The following VPS39 variants were observed in gnomAD, a reference collection of about 807,000 sequenced individuals.
The protein encoded by VPS39 is vam6/Vps39-like protein.
Under a neutral mutation model 121.0 loss-of-function variants are expected in VPS39, and 70 were observed. That is an observed-to-expected ratio of 0.58 (90% CI 0.48 to 0.71). The LOEUF (loss-of-function observed/expected upper bound fraction) is 0.71. VPS39 is among the 30% of genes least tolerant of loss of function. The pLI is 0.00. For synonymous variants in VPS39, 378 were observed against 398.1 expected, an observed-to-expected ratio of 0.95 and a Z score of 0.60; for missense variants, 818 against 1,051.5, an observed-to-expected ratio of 0.78 and a Z score of 3.07.
intron 10 of VPS39, 136 bp downstream of exon 10, chr15:42,178,082 A>T (rs530644995): frequency 8.7e-7 from 1 of 1,149,626 alleles, no homozygotes; most frequent in Non-Finnish European, 1.2e-6. Context: ...CGGTGGAGTC[A>T]GACCTAGTAT....
At chr15:42,161,509 T>C (rs2049124992) in intron 24 of VPS39, 173 bp downstream of exon 24, 1 of 767,356 alleles carries the variant, frequency 1.3e-6, no homozygotes, top group African/African-American at 1.7e-5. Flanking sequence ...CGAAGCCCAC[T>C]CCCAACAGAT....
At chr15:42,172,401 G>C (rs919612271) in intron 11 of VPS39, among the ~76,000 whole-genome samples, 5 of 152,206 alleles carry the variant, frequency 3.3e-5, no homozygotes, top group African/African-American at 9.6e-5. Flanking sequence ...AATGATGGTA[G>C]CCCAGGTGAC....
At position 42,181,991 on chromosome 15, in the gene VPS39, G is replaced by C. The variant is rs2049591078; in HGVS notation, c.718+2526C>G. ...AGCCTCCCAATGTGCTGGGATTACAGGCATGAGTCGCTGCACTAGTTTAAT... is the reference window on the plus strand; with the variant it reads ...AGCCTCCCAATGTGCTGGGATTACACGCATGAGTCGCTGCACTAGTTTAAT... On this transcript the variant is annotated intron_variant, in intron 8 of 24. Transcript: ENST00000318006. Among the ~76,000 whole-genome samples, 4 of 152,170 alleles carry C rather than the reference G, an allele frequency of 2.6e-5. No individual in the cohort carries two copies. In the South Asian group the frequency reaches 8.3e-4, roughly 32 times the overall value.
chr15:42,161,139 C>A, intron 24 of VPS39: 1 of 376,718 alleles, frequency 2.7e-6, no homozygotes. Flanking sequence ...TCCTGAGAGC[C>A]AACAATGTTC....
chr15:42,165,953 T>A, intron 16 of VPS39, 137 bp from the exon 17 acceptor site: 2 of 935,860 alleles, frequency 2.1e-6, no homozygotes, highest in Non-Finnish European at 3.3e-6. Flanking sequence ...GCAGTCAGCA[T>A]GTCAGACGAG....
At chr15:42,163,078 G>T (rs562864014) in intron 21 of VPS39, among the ~76,000 whole-genome samples, 2 of 152,284 alleles carry the variant, frequency 1.3e-5, no homozygotes, top group East Asian at 3.9e-4. Flanking sequence ...GTTCCCGCTC[G>T]ACAGGCAGAC....
At chr15:42,187,049 T>C (rs1249821345) in intron 7 of VPS39, among the ~76,000 whole-genome samples, 1 of 152,202 alleles carries the variant, frequency 6.6e-6, no homozygotes, top group Non-Finnish European at 1.5e-5. Flanking sequence ...CTGTGGATCA[T>C]CATTACGTAA....
intron 11 of VPS39, among the ~76,000 whole-genome samples, chr15:42,172,277 C>T (rs1032361567): frequency 6.6e-6 from 1 of 152,206 alleles, no homozygotes; most frequent in African/African-American, 2.4e-5. Context: ...ACTCAAGCAG[C>T]TCTGAAGAGA....
intron 10 of VPS39, among the ~76,000 whole-genome samples, chr15:42,174,673 A>G (rs1420387286): frequency 6.6e-6 from 1 of 152,138 alleles, no homozygotes; most frequent in Admixed American, 6.5e-5. Flanking sequence ...ACCTAAACTG[A>G]GACATAACGG....
rs2049254100 is a variant in VPS39, at chr15:42,166,867, T to C, written c.1424A>G (p.His475Arg). 1 of 1,614,216 alleles carries C rather than the reference T, an allele frequency of 6.2e-7. No individual in the cohort carries two copies. Among genetic ancestry groups the C allele is most frequent in the Non-Finnish European group, 8.5e-7 (1 of 1,180,036 alleles). Residue 475 changes from histidine (H) to arginine (R), a missense_variant, in exon 14 of 25, where the codon CAC becomes CGC. Physicochemically the swap from His to Arg is conservative, Grantham distance 29 (BLOSUM62 0). Coordinates refer to ENST00000318006, the MANE Select transcript of VPS39 (RefSeq NM_015289.5). ...VAPLLRLENN[H>R]CHIEESEHVL... Reference sequence around the variant, plus strand: ...GTGCTCGCTCTCCTCGATGTGGCAGTGATTGTTCTCCAGGCGTAGCAAGGG... The same window carrying C: ...GTGCTCGCTCTCCTCGATGTGGCAGCGATTGTTCTCCAGGCGTAGCAAGGG...
intron 15 of VPS39, 61 bp downstream of exon 15, chr15:42,166,500 CAG>C: frequency 6.4e-7 from 1 of 1,573,268 alleles, no homozygotes; most frequent in Non-Finnish European, 8.7e-7. Flanking sequence ...GAAACAGAAA[CAG>C]AGGGAGACCA....
At chr15:42,186,804 C>T (rs916523582) in intron 7 of VPS39, among the ~76,000 whole-genome samples, 3 of 152,044 alleles carry the variant, frequency 2.0e-5, no homozygotes, top group Non-Finnish European at 2.9e-5. Flanking sequence ...GTAATAAACA[C>T]GTGTAAAAAC....
In VPS39 at chr15:42,166,882, C is replaced by T. The variant is rs1044502534; in HGVS notation, c.1409G>A (p.Arg470His). The T allele has an allele frequency of 2.5e-6, 4 of 1,614,198 alleles. No individual in the cohort carries two copies. The highest frequency in any genetic ancestry group is 1.1e-5 in the South Asian group (1 of 91,088). The change falls in exon 14 of 25, where the codon CGC (arginine) becomes CAC (histidine). Residue 470 changes from arginine to histidine, a missense_variant. Arg to His is a conservative substitution (Grantham distance 29). Coordinates refer to ENST00000318006, the MANE Select transcript of VPS39 (RefSeq NM_015289.5). ...GATGTGGCAGTGATTGTTCTCCAGG[C>T]GTAGCAAGGGGGCCACCAGGGCCAC... ...TNVALVAPLL[R>H]LENNHCHIEE...
Position 42,173,822 on chromosome 15 carries a change from G to A in VPS39, c.991C>T (p.Gln331Ter), listed in dbSNP as rs771300074. 6.2e-7 allele frequency: 1 copy of A among 1,614,132 alleles called. No homozygotes were observed. Among genetic ancestry groups the A allele is most frequent in the East Asian group, 2.2e-5 (1 of 44,884 alleles). ...EMKDDSDSEK[Q>*]QQIHHIKNLY... ...TTCTTGATGTGATGAATTTGTTGCT[G>A]CTTTTCACTGTCAGAATCATCTTTC... Residue 331 changes from glutamine to a stop codon, truncating the protein, a stop_gained, in exon 11 of 25, where the codon CAG becomes TAG. Transcript: ENST00000318006. LOFTEE classifies it high-confidence loss of function.
chr15:42,191,030 G>A (rs2049818031), intron 4 of VPS39, 95 bp downstream of exon 4: 1 of 1,445,150 alleles, frequency 6.9e-7, no homozygotes, highest in South Asian at 1.2e-5. Flanking sequence ...TCAGTTCATT[G>A]TTAAGTAACC....
intron 8 of VPS39, among the ~76,000 whole-genome samples, chr15:42,183,230 T>C (rs1449370483): frequency 1.3e-5 from 2 of 149,954 alleles, no homozygotes; most frequent in African/African-American, 2.5e-5. Context: ...CCCAAGTAGC[T>C]GGGACCACAG....
rs139676322 is a variant in VPS39, at chr15:42,187,309, T to C, written c.496A>G (p.Ile166Val). Reference sequence around the variant, plus strand: ...TAGTCTCTCTTGAAACCCACACAGATAGAATTTTCACACCACGCCATGGAC... The same window carrying C: ...TAGTCTCTCTTGAAACCCACACAGACAGAATTTTCACACCACGCCATGGAC... The part of the protein sequence containing the change: ...PKSMAWCENS[I>V]CVGFKRDYYL... The change falls in exon 7 of 25, where the codon ATC becomes GTC. Residue 166 changes from isoleucine (I) to valine (V), a missense_variant. Coordinates refer to ENST00000318006, the MANE Select transcript of VPS39 (RefSeq NM_015289.5). 9.9e-6 allele frequency: 16 copies of C among 1,613,262 alleles called. No individual in the cohort carries two copies. Among genetic ancestry groups the C allele is most frequent in the Admixed American group, 1.7e-5 (1 of 59,768 alleles).
rs767874573 is a variant in VPS39, at chr15:42,162,356, G to GTGTA, written c.2297_2300dup (p.His768ThrfsTer22). 2 of 1,612,884 alleles carry GTGTA rather than the reference G, an allele frequency of 1.2e-6. No homozygotes were observed. Among genetic ancestry groups the GTGTA allele is most frequent in the Non-Finnish European group, 1.7e-6 (2 of 1,179,400 alleles). ...CCTTGGTGGTGTCCAGTTTGCTGTGGTGTAGCTCGAGGACCTGCAGAGCGG... is the reference window on the plus strand; with the variant it reads ...CCTTGGTGGTGTCCAGTTTGCTGTGGTGTATGTAGCTCGAGGACCTGCAGAGCGG... On this transcript the variant is annotated frameshift_variant, in exon 22 of 25. Coordinates refer to ENST00000318006, the MANE Select transcript of VPS39 (RefSeq NM_015289.5). LOFTEE classifies it high-confidence loss of function.
At chr15:42,185,682 C>T (rs945751051) in intron 7 of VPS39, among the ~76,000 whole-genome samples, 4 of 151,994 alleles carry the variant, frequency 2.6e-5, no homozygotes, top group African/African-American at 9.7e-5. Context: ...CTGGAAAAGG[C>T]AAAGCTATAG....
Sources: gnomAD v4.1 joint callset for allele counts (sites outside exome capture counted in the v4.1 genomes callset) on GRCh38, gnomAD v4.1.1 for gene constraint, MANE v1.5 for transcripts, NCBI Gene and HGNC (gene_info 2026-07-23, HGNC 2026-07-21) for gene names.